CEP72: variants seen among roughly 807,000 people sequenced by gnomAD.
CEP72 encodes centrosomal protein of 72 kDa.
In CEP72, 78 loss-of-function variants were observed where a neutral mutation model predicts 65.7. That is an observed-to-expected ratio of 1.19 (90% CI 0.99 to 1.43). The LOEUF is 1.43. Among genes scored for constraint, CEP72 ranks in the 40% most tolerant of loss-of-function variants. The probability of loss-of-function intolerance (pLI) is 0.00; values close to 1 mark genes in which losing one functional copy is unlikely to be tolerated. For synonymous variants in CEP72, 358 were observed against 351.7 expected (o/e 1.02, Z -0.20); for missense variants, 914 against 832.9 (o/e 1.10, Z -1.20).
At chr5:647,945 C>G in intron 11 of CEP72, 29 bp downstream of exon 11, 1 of 1,540,550 alleles carries the variant, frequency 6.5e-7, no homozygotes, top group Non-Finnish European at 8.9e-7. Flanking sequence ...TGGGTGGGCC[C>G]CCGAGGGGAG....
At chr5:650,222 G>A (rs1316342359) in intron 11 of CEP72, among the ~76,000 whole-genome samples, 1 of 107,688 alleles carries the variant, frequency 9.3e-6, no homozygotes, top group African/African-American at 3.9e-5. Context: ...GTGTGACTGT[G>A]AGGCGTGGAC....
At chr5:639,742 G>A (rs1393389304) in intron 8 of CEP72, among the ~76,000 whole-genome samples, 2 of 152,180 alleles carry the variant, frequency 1.3e-5, no homozygotes, top group African/African-American at 2.4e-5. Context: ...GATCACACTG[G>A]GAGACCAGGA....
chr5:624,253 G>C lies in CEP72; in HGVS notation c.404-218G>C, dbSNP rs1736589819. 6.6e-6 allele frequency among the ~76,000 whole-genome samples: 1 copy of C among 152,212 alleles called. No homozygotes were observed. Reference sequence around the variant, plus strand: ...CTCATCTGTGTGCGGCTGCTCCCGTGCGCAGCAGTGAGCTCTGAGGGACAG... The same window carrying C: ...CTCATCTGTGTGCGGCTGCTCCCGTCCGCAGCAGTGAGCTCTGAGGGACAG... On this transcript the variant is annotated intron_variant, in intron 3 of 11. Transcript: ENST00000264935. The surrounding 1 kb of genome is among the most constrained non-coding windows in gnomAD (Gnocchi z 4.7).
intron 9 of CEP72, chr5:641,320 G>T (rs1044528162): frequency 1.0e-6 from 1 of 985,312 alleles, no homozygotes; most frequent in Non-Finnish European, 1.2e-6. Flanking sequence ...GGCAGAAGCC[G>T]CCCTCCGGGA....
At chr5:638,223 C>T (rs1737754381) in intron 7 of CEP72, among the ~76,000 whole-genome samples, 1 of 152,174 alleles carries the variant, frequency 6.6e-6, no homozygotes, top group Admixed American at 6.5e-5. Flanking sequence ...GTCTCCAAAG[C>T]TGGAATCGGG....
chr5:639,842 TC>T (rs1382850521), intron 8 of CEP72, among the ~76,000 whole-genome samples: 1 of 152,126 alleles, frequency 6.6e-6, no homozygotes, highest in Non-Finnish European at 1.5e-5. Context: ...AGTGTGCTTC[TC>T]CCCGCAGACC....
At chr5:656,690 A>G (rs2126840533), downstream of CEP72, among the ~76,000 whole-genome samples, 1 of 152,260 alleles carries the variant, frequency 6.6e-6, no homozygotes. Context: ...GCACACAGTC[A>G]TGTTTTCTAT....
chr5:636,366 CCT>C (rs1422685699), intron 6 of CEP72, among the ~76,000 whole-genome samples: 7 of 152,172 alleles, frequency 4.6e-5, no homozygotes, highest in African/African-American at 4.8e-5. Flanking sequence ...CCTCCCTCAC[CCT>C]CTCACTAATG....
chr5:665,817 G>A, intron 3 of CEP72: 2 of 879,488 alleles, frequency 2.3e-6, no homozygotes, highest in Non-Finnish European at 1.7e-6. Flanking sequence ...CCCACACCAG[G>A]CCACGCCCTC....
chr5:653,748 T>C (rs982703080), downstream of CEP72, among the ~76,000 whole-genome samples: 4 of 152,226 alleles, frequency 2.6e-5, no homozygotes, highest in Non-Finnish European at 5.9e-5. Flanking sequence ...AGCGGAAACA[T>C]CTACCCAAGC....
intron 6 of CEP72, 104 bp downstream of exon 6, chr5:635,688 C>T: frequency 1.0e-6 from 1 of 976,940 alleles, no homozygotes; most frequent in South Asian, 1.5e-5. Flanking sequence ...GTTCTGGAGG[C>T]TGGGAAGTCC....
chr5:651,342 TG>T, intron 11 of CEP72, among the ~76,000 whole-genome samples: 1 of 150,964 alleles, frequency 6.6e-6, no homozygotes, highest in African/African-American at 2.4e-5. Flanking sequence ...GAGGTGTGAC[TG>T]TGAGGTGTGA....
intron 1 of CEP72, chr5:662,788 C>G (rs1739690479): frequency 6.6e-6 from 1 of 152,516 alleles, no homozygotes; most frequent in South Asian, 2.1e-4. Context: ...GTTTGGTGAC[C>G]ACTCGTCCTC....
chr5:654,024 A>T (rs1012805051), downstream of CEP72, among the ~76,000 whole-genome samples: 3 of 141,840 alleles, frequency 2.1e-5, no homozygotes, highest in Admixed American at 7.0e-5. Flanking sequence ...TGTGTGCGCT[A>T]GTGTGCGCTT....
At chr5:628,559 G>A (rs1423401766) in intron 4 of CEP72, among the ~76,000 whole-genome samples, 39 of 141,852 alleles carry the variant, frequency 2.7e-4, no homozygotes, top group Admixed American at 4.4e-4. Flanking sequence ...TGCAGTCCCC[G>A]GGGAGTGTTC....
In CEP72 at chr5:645,726, GAAC is replaced by G. The variant is rs1338187302; in HGVS notation, c.1666+1306_1666+1308del. On this transcript the variant is annotated intron_variant, in intron 10 of 11. Coordinates refer to ENST00000264935, the MANE Select transcript of CEP72 (RefSeq NM_018140.4). This position sits in a 1 kb window ranked among gnomAD's most constrained non-coding sequence, Gnocchi z 4.0. ...TGCAGCCACCTCTGCCCCTGAACTG[GAAC>G]AACAGAGTAAATAATAGTCTAACTT... 6.6e-6 allele frequency among the ~76,000 whole-genome samples: 1 copy of G among 152,250 alleles called. No individual in the cohort carries two copies. Among genetic ancestry groups the G allele is most frequent in the African/African-American group, 2.4e-5 (1 of 41,464 alleles).
chr5:671,397 GCCT>G (rs1463078179), downstream of CEP72, among the ~76,000 whole-genome samples: 1 of 152,066 alleles, frequency 6.6e-6, no homozygotes, highest in Non-Finnish European at 1.5e-5. Context: ...GGGCTCGGCT[GCCT>G]CCATCCACCC....
At chr5:632,151 C>A (rs374656907) in intron 4 of CEP72, among the ~76,000 whole-genome samples, 69 of 60,294 alleles carry the variant, frequency 1.1e-3, no homozygotes, top group South Asian at 2.4e-3. Context: ...CGGGATTTGG[C>A]CCAGTCCTGG....
chr5:647,064 C>G (rs1377075099), intron 10 of CEP72, among the ~76,000 whole-genome samples: 1 of 152,248 alleles, frequency 6.6e-6, no homozygotes, highest in African/African-American at 2.4e-5. Flanking sequence ...TCGACATAGA[C>G]TTCACGCGGC....
Sources: allele counts gnomAD v4.1 joint callset (sites outside exome capture counted in the v4.1 genomes callset), GRCh38; gene constraint gnomAD v4.1.1; non-coding constraint Gnocchi (gnomAD v3.1); transcripts MANE v1.5; gene names NCBI Gene and HGNC (gene_info 2026-07-23, HGNC 2026-07-21).